Variants in SPATA1 observed in about 807,000 individuals in gnomAD.
The protein encoded by SPATA1 is spermatogenesis associated 1, also known as spermatogenesis-associated protein 1.
SPATA1 carries 57 observed loss-of-function variants against 59.6 expected under a neutral mutation model. That is an observed-to-expected ratio of 0.96 (90% CI 0.77 to 1.19). SPATA1 has a LOEUF of 1.19. Among genes scored for constraint, SPATA1 ranks in the 50% most tolerant of loss-of-function variants. The probability of loss-of-function intolerance (pLI) is 0.00; values close to 1 mark genes in which losing one functional copy is unlikely to be tolerated. For missense variants in SPATA1, 448 were observed against 480.7 expected, an observed-to-expected ratio of 0.93 and a Z score of 0.64; for synonymous variants, 147 against 163.9, an observed-to-expected ratio of 0.90 and a Z score of 0.79.
At chr1:84,516,133 G>C (rs905089269) in intron 1 of SPATA1, 90 bp from the exon 2 acceptor site, 2 of 435,610 alleles carry the variant, frequency 4.6e-6, no homozygotes, top group Non-Finnish European at 8.1e-6. Flanking sequence ...TTTTGAGTTA[G>C]AATAATAAAG....
At chr1:84,544,431 G>A (rs1684015524) in intron 9 of SPATA1, 127 bp downstream of exon 9, 1 of 681,836 alleles carries the variant, frequency 1.5e-6, no homozygotes, top group Non-Finnish European at 2.5e-6. Context: ...GGAGATGGGT[G>A]GTGGTGATGG....
exon 13 of SPATA1, chr1:84,553,688 T>C (rs2102012454): frequency 6.6e-6 from 1 of 151,138 alleles, no homozygotes; most frequent in South Asian, 2.1e-4. Flanking sequence ...ATGAAAATGG[T>C]TTTTACTCTG....
At chr1:84,543,913 T>C (rs983088975) in intron 8 of SPATA1, among the ~76,000 whole-genome samples, 3 of 152,210 alleles carry the variant, frequency 2.0e-5, no homozygotes, top group African/African-American at 7.2e-5. Flanking sequence ...AAAGTTATCA[T>C]AACAGGTAAC....
chr1:84,533,713 T>C, exon 8 of SPATA1: 1 of 1,562,816 alleles, frequency 6.4e-7, no homozygotes, highest in South Asian at 1.2e-5. Flanking sequence ...TTTAAGTCAG[T>C]GTCTTTGGGA....
intron 8 of SPATA1, among the ~76,000 whole-genome samples, chr1:84,541,709 GT>G (rs1327737209): frequency 6.6e-6 from 1 of 152,122 alleles, no homozygotes; most frequent in East Asian, 1.9e-4. Context: ...TTCATGGCGT[GT>G]TTGTTTTGAT....
intron 8 of SPATA1, among the ~76,000 whole-genome samples, chr1:84,541,427 T>A (rs927911060): frequency 6.6e-6 from 1 of 151,204 alleles, no homozygotes; most frequent in African/African-American, 2.4e-5. Context: ...TGTTTCACTT[T>A]CTTGGCTCCT....
At chr1:84,563,361 C>T (rs1399926567) in intron 4 of SPATA1, 2 of 1,595,168 alleles carry the variant, frequency 1.3e-6, no homozygotes, top group East Asian at 2.3e-5. Context: ...TGACGTCCTG[C>T]AGCGTCACTA....
intron 4 of SPATA1, among the ~76,000 whole-genome samples, chr1:84,561,188 G>C (rs909680118): frequency 1.3e-5 from 2 of 152,184 alleles, no homozygotes; most frequent in Admixed American, 1.3e-4. Flanking sequence ...ATGCATGGGA[G>C]GAGGTCAAAA....
intron 1 of SPATA1, among the ~76,000 whole-genome samples, chr1:84,509,277 T>C (rs312395): frequency 0.26 from 39,532 of 150,892 alleles, 5,218 homozygotes; most frequent in South Asian, 0.38. Flanking sequence ...TCACCTACAG[T>C]GAACTCGTTT....
At chr1:84,527,606 A>C (rs953133371) in intron 6 of SPATA1, 98 of 152,060 alleles carry the variant, frequency 6.4e-4, no homozygotes, top group African/African-American at 2.3e-3. Context: ...AGCCTCTTAT[A>C]TTAAAATATA....
In SPATA1 at chr1:84,550,866, G is replaced by A; in HGVS notation, c.1224+336G>A. On this transcript the variant is annotated intron_variant, in intron 12 of 12. Coordinates refer to ENST00000490879, the Ensembl canonical transcript of SPATA1. ...ATTATTAAGTCTGATAAACCACTGA[G>A]CTCTCCTCTGAACTGACATTTAATT... 3.0e-6 allele frequency: 3 copies of A among 988,646 alleles called. No individual in the cohort carries two copies. The South Asian group carries it at 1.4e-4, about 46-fold the overall frequency. 61.2% of individuals were successfully genotyped at this position (988,646 alleles called of 1,614,324 possible).
intron 4 of SPATA1, among the ~76,000 whole-genome samples, chr1:84,562,611 T>A (rs1684616089): frequency 6.6e-6 from 1 of 152,180 alleles, no homozygotes; most frequent in Non-Finnish European, 1.5e-5. Flanking sequence ...GAAGAGCCTT[T>A]ATAATGCTAA....
At chr1:84,529,969 G>A (rs1053802575) in intron 6 of SPATA1, among the ~76,000 whole-genome samples, 1 of 151,420 alleles carries the variant, frequency 6.6e-6, no homozygotes, top group African/African-American at 2.4e-5. Context: ...CAATTCTCCT[G>A]CCTCAGCCTC....
chr1:84,533,808 T>C (rs1311168623), intron 8 of SPATA1, 42 bp downstream of exon 8: 1 of 1,186,910 alleles, frequency 8.4e-7, no homozygotes. Flanking sequence ...TATTGCAACA[T>C]CATAATATTT....
chr1:84,564,949 G>C lies in SPATA1; in HGVS notation n.443-912G>C, dbSNP rs1684664039. On this transcript the variant is annotated intron_variant and non_coding_transcript_variant, in intron 4 of 4. Transcript: ENST00000460286. ...AGCTACTCAGGGGGCTGAGGTTGGG[G>C]GATCACTTAAGCCCAGGAGGTCGAG... Among the ~76,000 whole-genome samples, 3 of 151,912 alleles carry C rather than the reference G, an allele frequency of 2.0e-5. No individual in the cohort carries two copies. The South Asian group carries it at 6.2e-4, about 32-fold the overall frequency.
intron 8 of SPATA1, 53 bp from the exon 9 acceptor site, chr1:84,544,149 A>T (rs534890262): frequency 1.8e-4 from 220 of 1,221,546 alleles, no homozygotes; most frequent in Non-Finnish European, 2.5e-4. Context: ...GGGCAAGTGA[A>T]AAAAGAATGT....
chr1:84,515,097 AGATT>A (rs1328455439), intron 1 of SPATA1, among the ~76,000 whole-genome samples: 2 of 152,252 alleles, frequency 1.3e-5, no homozygotes, highest in South Asian at 2.1e-4. Flanking sequence ...TAATTATTAT[AGATT>A]ATTAACTAAT....
exon 5 of SPATA1, chr1:84,565,991 A>G: frequency 6.4e-7 from 1 of 1,562,566 alleles, no homozygotes; most frequent in Non-Finnish European, 8.7e-7. Flanking sequence ...TTCTTTGGAG[A>G]CCAAGCTACA....
At chr1:84,540,835 T>C (rs1683874582) in intron 8 of SPATA1, among the ~76,000 whole-genome samples, 1 of 152,210 alleles carries the variant, frequency 6.6e-6, no homozygotes, top group South Asian at 2.1e-4. Flanking sequence ...GCTAGGAATG[T>C]GTTTTATGTT....
Sources: gnomAD v4.1 joint callset for allele counts (sites outside exome capture counted in the v4.1 genomes callset) on GRCh38, gnomAD v4.1.1 for gene constraint, MANE v1.5 for transcripts, NCBI Gene and HGNC (gene_info 2026-07-23, HGNC 2026-07-21) for gene names.